The following SMG7 variants were observed in gnomAD, a reference collection of about 807,000 sequenced individuals.
SMG7 encodes SMG7 nonsense mediated mRNA decay factor.
A neutral mutation model predicts 148.2 loss-of-function variants in SMG7; 34 were observed. The observed-to-expected ratio is 0.23, with a 90% CI of 0.17 to 0.31. The LOEUF (loss-of-function observed/expected upper bound fraction) is 0.31, where lower values mean the gene tolerates loss of function less well. SMG7 is among the 10% of genes least tolerant of loss of function. The pLI is 1.00. For synonymous variants in SMG7, 492 were observed against 515.1 expected (o/e 0.96, Z 0.61); for missense variants, 1,114 against 1,408.4 (o/e 0.79, Z 3.35).
chr1:183,498,012 G>A (rs1290046681), intron 1 of SMG7, among the ~76,000 whole-genome samples: 1 of 152,180 alleles, frequency 6.6e-6, no homozygotes, highest in Non-Finnish European at 1.5e-5. Flanking sequence ...TGACTTTTGA[G>A]TATCTTTTGT....
At chr1:183,549,966 C>T in intron 20 of SMG7, 43 bp downstream of exon 20, 2 of 1,391,894 alleles carry the variant, frequency 1.4e-6, no homozygotes, top group Non-Finnish European at 1.0e-6. Flanking sequence ...ATTTCCTGTA[C>T]ACTCAGATTG....
chr1:183,518,189 C>A (rs571946259), intron 4 of SMG7, among the ~76,000 whole-genome samples: 1 of 152,116 alleles, frequency 6.6e-6, no homozygotes, highest in South Asian at 2.1e-4. Flanking sequence ...CTCAAGTGAT[C>A]CGCCCACCTC....
At chr1:183,513,152 T>C in intron 2 of SMG7, 1 of 316,954 alleles carries the variant, frequency 3.2e-6, no homozygotes, top group Non-Finnish European at 5.6e-6. Context: ...TTATTAATGA[T>C]TTAAGACATA....
At chr1:183,512,732 T>C (rs1292750056) in intron 1 of SMG7, 105 bp from the exon 2 acceptor site, 4 of 1,040,644 alleles carry the variant, frequency 3.8e-6, no homozygotes, top group East Asian at 5.1e-5. Flanking sequence ...TATATCCTTA[T>C]CGTAGTATAT....
chr1:183,488,930 C>T (rs1271586707), intron 1 of SMG7, among the ~76,000 whole-genome samples: 2 of 152,022 alleles, frequency 1.3e-5, no homozygotes, highest in African/African-American at 2.4e-5. Context: ...GTGATCCACC[C>T]GCCTTGGCCT....
At position 183,547,192 on chromosome 1, in the gene SMG7, T is replaced by A. The variant is rs1670072808; in HGVS notation, c.2832T>A (p.Pro944=). 4 of 1,550,422 alleles carry A rather than the reference T, an allele frequency of 2.6e-6. No homozygotes were observed. The highest frequency in any genetic ancestry group is 3.5e-6 in the Non-Finnish European group (4 of 1,146,898). ...AGGAAGAGCTGATTTTTTCTAACCC[T>A]CCTGATCTTTACCCGGCTCTGCTGG... ...EEEEELIFSN[P]PDLYPALLGP... Residue 944 remains proline (P), a synonymous_variant, in exon 18 of 23, where the codon CCT becomes CCA. Coordinates refer to ENST00000688051, the MANE Select transcript of SMG7 (RefSeq NM_001375584.1).
intron 4 of SMG7, among the ~76,000 whole-genome samples, chr1:183,525,771 G>A (rs998852311): frequency 2.6e-5 from 4 of 152,060 alleles, no homozygotes; most frequent in Non-Finnish European, 5.9e-5. Context: ...AAGAGAGGAG[G>A]TAGGAATGGG....
chr1:183,527,907 C>A lies in SMG7; in HGVS notation c.485-49C>A. 1 of 1,303,460 alleles carries A rather than the reference C, an allele frequency of 7.7e-7. No individual in the cohort carries two copies. The highest frequency in any genetic ancestry group is 1.2e-5 in the South Asian group (1 of 83,592). The allele number at this position is 1,303,460 out of a possible 1,614,324, so 80.7% of individuals were successfully genotyped here. ...ACTATAGCTGTTTTGGAAATACTACCCTACTGTTTGTTTTTTGGGTTTTTT... is the reference window on the plus strand; with the variant it reads ...ACTATAGCTGTTTTGGAAATACTACACTACTGTTTGTTTTTTGGGTTTTTT... On this transcript the variant is annotated intron_variant, in intron 5 of 22. Coordinates refer to ENST00000688051, the MANE Select transcript of SMG7 (RefSeq NM_001375584.1). This position sits in a 1 kb window ranked among gnomAD's most constrained non-coding sequence, Gnocchi z 4.0.
intron 11 of SMG7, among the ~76,000 whole-genome samples, chr1:183,537,565 A>G (rs1271927936): frequency 2.0e-5 from 3 of 152,232 alleles, no homozygotes; most frequent in Non-Finnish European, 2.9e-5. Context: ...TGGTACAAAG[A>G]AAAAGAACAC....
In SMG7 at chr1:183,478,639, G is replaced by A. The variant is rs530020987; in HGVS notation, c.29+5990G>A. Among the ~76,000 whole-genome samples the A allele has an allele frequency of 3.1e-4, 47 of 152,254 alleles. No individual in the cohort carries two copies. The South Asian group carries it at 4.4e-3, about 14-fold the overall frequency. On this transcript the variant is annotated intron_variant, in intron 1 of 22. Transcript: ENST00000688051. ...GTTACAGTAAGATCTGGACCCACTAGTATTGCAAGTTTCATGAGGCAGTTT... is the reference window on the plus strand; with the variant it reads ...GTTACAGTAAGATCTGGACCCACTAATATTGCAAGTTTCATGAGGCAGTTT...
In SMG7 at chr1:183,544,371, C is replaced by T; in HGVS notation, c.1861C>T (p.Leu621=). 5 of 1,613,782 alleles carry T rather than the reference C, an allele frequency of 3.1e-6. No individual in the cohort carries two copies. The highest frequency in any genetic ancestry group is 1.3e-5 in the African/African-American group (1 of 75,004). ...VAVQVKSQTE[L]RKTPVSEARK... The stretch of plus-strand genomic sequence containing the variant: ...GTTACAGGTAAAATCCCAGACAGAA[C>T]TAAGAAAGACTCCAGTGTCTGAAGC... The change falls in exon 15 of 23, where the codon CTA becomes TTA. Residue 621 remains leucine, a synonymous_variant. Coordinates refer to ENST00000688051, the MANE Select transcript of SMG7 (RefSeq NM_001375584.1).
Position 183,517,820 on chromosome 1 carries a change from G to C in SMG7, c.312G>C (p.Gln104His). The C allele has an allele frequency of 6.2e-7, 1 of 1,614,032 alleles. No individual in the cohort carries two copies. ...FLEAASGFYT[Q>H]LLQELCTVFN... ...AGGCAGCTAGTGGCTTCTATACTCAGGTGAGTTCTGCATTGTATACCAGTT... is the reference window on the plus strand; with the variant it reads ...AGGCAGCTAGTGGCTTCTATACTCACGTGAGTTCTGCATTGTATACCAGTT... The change falls in exon 4 of 23, where the codon CAG becomes CAC. Residue 104 changes from glutamine to histidine, a missense_variant and splice_region_variant. Physicochemically the swap from Gln to His is conservative, Grantham distance 24. Around this residue, in one of 4 missense-constraint regions of SMG7, gnomAD observed 216 missense variants for 329.1 expected, o/e 0.66. Transcript: ENST00000688051.
At chr1:183,549,955 C>A (rs1670677542) in intron 20 of SMG7, 32 bp downstream of exon 20, 5 of 1,518,638 alleles carry the variant, frequency 3.3e-6, no homozygotes, top group Non-Finnish European at 4.6e-6. Flanking sequence ...ATAGACCTTA[C>A]ATTTCCTGTA....
chr1:183,502,287 G>A, intron 1 of SMG7: 1 of 1,533,318 alleles, frequency 6.5e-7, no homozygotes, highest in Non-Finnish European at 8.7e-7. Context: ...TGAGAAATTG[G>A]ATGTTCTTGC....
chr1:183,544,628 AT>A (rs1669565639), intron 15 of SMG7, 131 bp downstream of exon 15: 7 of 974,888 alleles, frequency 7.2e-6, no homozygotes. Flanking sequence ...CCTAATACTT[AT>A]AAAATTATTT....
rs1665608063 is a variant in SMG7, at chr1:183,525,247, T to TAATCA, written c.313-1347_313-1343dup. ...ATGACAGAGAACTAGAACAGCTCAGTAATCAACCATAAGATCAGATGTTTT... is the reference window on the plus strand; with the variant it reads ...ATGACAGAGAACTAGAACAGCTCAGTAATCAAATCAACCATAAGATCAGATGTTTT... On this transcript the variant is annotated intron_variant, in intron 4 of 22. Transcript: ENST00000688051. Among the ~76,000 whole-genome samples the TAATCA allele has an allele frequency of 2.6e-5, 4 of 152,238 alleles. No individual in the cohort carries two copies. In the South Asian group the frequency reaches 8.3e-4, roughly 32 times the overall value.
At chr1:183,540,035 C>T (rs1668522650) in intron 12 of SMG7, among the ~76,000 whole-genome samples, 1 of 152,168 alleles carries the variant, frequency 6.6e-6, no homozygotes, top group African/African-American at 2.4e-5. Flanking sequence ...AGTTGTTCAG[C>T]CTTATTTTCT....
rs760619744 is a variant in SMG7 at position 183,546,328 on chromosome 1, G to A, written c.2733G>A (p.Met911Ile). ...CAGAGCAGGATCCTGTACCCAGAAT[G>A]CCGTTTGAGGTGTGTGTTCTTTCCT... is the stretch of plus-strand genomic sequence containing the variant. ...FRPEQDPVPR[M>I]PFEDPKSSPL... The change falls in exon 17 of 23, where the codon ATG (methionine) becomes ATA (isoleucine). Residue 911 changes from methionine to isoleucine, a missense_variant. Coordinates refer to ENST00000688051, the MANE Select transcript of SMG7 (RefSeq NM_001375584.1). 3.7e-6 allele frequency: 6 copies of A among 1,608,126 alleles called. No homozygotes were observed. The highest frequency in any genetic ancestry group is 1.3e-5 in the African/African-American group (1 of 74,692).
intron 1 of SMG7, among the ~76,000 whole-genome samples, chr1:183,491,372 T>C (rs1656945296): frequency 6.6e-6 from 1 of 152,232 alleles, no homozygotes; most frequent in Non-Finnish European, 1.5e-5. Context: ...TTAGGTTGTT[T>C]CTAATTTTTT....
Sources: allele counts gnomAD v4.1 joint callset (sites outside exome capture counted in the v4.1 genomes callset), GRCh38; gene constraint gnomAD v4.1.1; regional missense constraint gnomAD v4.1.1; non-coding constraint Gnocchi (gnomAD v3.1); transcripts MANE v1.5; gene names NCBI Gene and HGNC (gene_info 2026-07-23, HGNC 2026-07-21).